Variants in BMPER observed in about 807,000 individuals in gnomAD.
BMPER encodes the protein BMP-binding endothelial regulator protein.
In BMPER, 45 loss-of-function variants were observed where a neutral mutation model predicts 87.3. The ratio of observed to expected loss-of-function variants is 0.52; its 90% CI spans 0.41 to 0.66. BMPER has a LOEUF of 0.66. Among genes scored for constraint, BMPER ranks in the 30% least tolerant of loss-of-function variants. BMPER has a pLI of 0.00. For synonymous variants in BMPER, 326 were observed against 316.2 expected (o/e 1.03, Z -0.33); for missense variants, 784 against 867.5 (o/e 0.90, Z 1.21).
At chr7:34,147,469 T>TTTTG (rs1791059242) in intron 14 of BMPER, among the ~76,000 whole-genome samples, 1 of 152,160 alleles carries the variant, frequency 6.6e-6, no homozygotes, top group Non-Finnish European at 1.5e-5. Flanking sequence ...TCCCTGTTTT[T>TTTTG]TTTGTTTGTT....
At chr7:33,959,772 T>C (rs1205613610) in intron 3 of BMPER, among the ~76,000 whole-genome samples, 1 of 152,212 alleles carries the variant, frequency 6.6e-6, no homozygotes, top group African/African-American at 2.4e-5. Context: ...TGTATTACCT[T>C]ATGGTCAATG....
chr7:34,074,490 ATTCT>A (rs1466731090), intron 11 of BMPER, among the ~76,000 whole-genome samples: 2 of 152,148 alleles, frequency 1.3e-5, no homozygotes, highest in Admixed American at 1.3e-4. Context: ...GCCTTTCCTG[ATTCT>A]TCACTCAAGC....
At chr7:33,921,755 C>T (rs770187774) in intron 2 of BMPER, 27 of 470,854 alleles carry the variant, frequency 5.7e-5, no homozygotes, top group South Asian at 2.2e-4. Flanking sequence ...GCTGACGTGA[C>T]GTTATGTTTG....
chr7:34,136,229 A>G (rs1449676932), intron 13 of BMPER, among the ~76,000 whole-genome samples: 1 of 152,092 alleles, frequency 6.6e-6, no homozygotes, highest in African/African-American at 2.4e-5. Flanking sequence ...AAACAGCCTC[A>G]CAGTTCCCAG....
chr7:33,948,169 A>G (rs1260207677), intron 3 of BMPER, among the ~76,000 whole-genome samples: 1 of 152,142 alleles, frequency 6.6e-6, no homozygotes, highest in Non-Finnish European at 1.5e-5. Flanking sequence ...TCTGGTAGTT[A>G]TTATATCTAA....
At chr7:34,091,722 G>A (rs1483142169) in intron 13 of BMPER, among the ~76,000 whole-genome samples, 1 of 152,154 alleles carries the variant, frequency 6.6e-6, no homozygotes, top group African/African-American at 2.4e-5. Flanking sequence ...GCATGTAGGA[G>A]TTATTTATAT....
intron 6 of BMPER, among the ~76,000 whole-genome samples, chr7:34,000,167 C>T (rs1197853271): frequency 6.6e-6 from 1 of 152,086 alleles, no homozygotes. Context: ...ACAGTGTGAC[C>T]AAATTATGTT....
chr7:34,135,353 G>T (rs781464587), intron 13 of BMPER, among the ~76,000 whole-genome samples: 7 of 152,172 alleles, frequency 4.6e-5, no homozygotes, highest in African/African-American at 7.2e-5. Context: ...GCGCAGGAAG[G>T]TAACTGAAGA....
intron 13 of BMPER, among the ~76,000 whole-genome samples, chr7:34,095,815 A>G (rs1388352559): frequency 2.0e-5 from 3 of 151,704 alleles, no homozygotes; most frequent in Non-Finnish European, 4.4e-5. Context: ...TTCACATTGC[A>G]TTTTATTTTA....
chr7:34,125,544 T>A (rs1040208182), intron 13 of BMPER, among the ~76,000 whole-genome samples: 1 of 152,244 alleles, frequency 6.6e-6, no homozygotes, highest in Admixed American at 6.5e-5. Context: ...TCACTAGTTC[T>A]CAGCTTCATG....
intron 13 of BMPER, among the ~76,000 whole-genome samples, chr7:34,091,458 T>G (rs748739499): frequency 8.5e-5 from 13 of 152,332 alleles, no homozygotes; most frequent in Non-Finnish European, 1.6e-4. Flanking sequence ...TTATTTTTCC[T>G]TAGCCGACTC....
chr7:34,094,706 C>G (rs1472791610), intron 13 of BMPER, among the ~76,000 whole-genome samples: 1 of 152,180 alleles, frequency 6.6e-6, no homozygotes, highest in East Asian at 1.9e-4. Context: ...ATTATTCCCC[C>G]ATGTGTAAAA....
intron 5 of BMPER, among the ~76,000 whole-genome samples, chr7:33,971,516 C>T (rs890414415): frequency 2.0e-5 from 3 of 152,102 alleles, no homozygotes; most frequent in Non-Finnish European, 4.4e-5. Flanking sequence ...TTATTTTTTC[C>T]ATTATCCAGT....
At chr7:34,043,524 G>T (rs975149338) in intron 6 of BMPER, among the ~76,000 whole-genome samples, 1 of 152,260 alleles carries the variant, frequency 6.6e-6, no homozygotes, top group East Asian at 1.9e-4. Context: ...AAAGGCAACC[G>T]ATTTTGGTGA....
intron 2 of BMPER, among the ~76,000 whole-genome samples, chr7:33,915,148 C>G (rs79384433): frequency 0.025 from 3,794 of 152,168 alleles, 56 homozygotes; most frequent in Non-Finnish European, 0.041. Flanking sequence ...TGAATAAATA[C>G]CACATGAAAT....
intron 3 of BMPER, among the ~76,000 whole-genome samples, chr7:33,938,863 T>C (rs1784677943): frequency 1.3e-5 from 2 of 152,072 alleles, no homozygotes; most frequent in South Asian, 4.1e-4. Flanking sequence ...CTGTCTCTAC[T>C]AAAAATATAA....
Position 34,155,552 on chromosome 7 carries a change from T to C in BMPER, c.*2279T>C, listed in dbSNP as rs1043454649. ...TTTAGCTGGGGATTAGCTTAATCTC[T>C]GTACATTTTTCTCATTTCTAATTGA... On this transcript the variant is annotated 3_prime_UTR_variant, in exon 15 of 15. Coordinates refer to ENST00000649409, the MANE Select transcript of BMPER (RefSeq NM_001365308.1). The C allele has an allele frequency of 5.3e-5, 8 of 152,232 alleles. No homozygotes were observed. Among genetic ancestry groups the C allele is most frequent in the African/African-American group, 1.9e-4 (8 of 41,456 alleles). 9.4% of individuals were successfully genotyped at this position (152,232 alleles called of 1,614,324 possible). A position where few individuals can be genotyped will look rare whatever the true frequency, so the allele number is the denominator to read the frequency against.
At chr7:34,113,699 A>G (rs1194294992) in intron 13 of BMPER, among the ~76,000 whole-genome samples, 1 of 152,112 alleles carries the variant, frequency 6.6e-6, no homozygotes, top group Non-Finnish European at 1.5e-5. Flanking sequence ...GGCTTTGTAT[A>G]TCTATTTCAT....
intron 12 of BMPER, among the ~76,000 whole-genome samples, chr7:34,083,340 CTGTCTTCTCCTTATCAAATTA>C (rs1169317933): frequency 1.3e-5 from 2 of 152,200 alleles, no homozygotes; most frequent in Non-Finnish European, 2.9e-5. Flanking sequence ...GGTCCCATCA[CTGTCTTCTCCTTATCAAATTA>C]TTCCCCAAAG....
Sources: allele counts gnomAD v4.1 joint callset (sites outside exome capture counted in the v4.1 genomes callset), GRCh38; gene constraint gnomAD v4.1.1; transcripts MANE v1.5; gene names NCBI Gene and HGNC (gene_info 2026-07-23, HGNC 2026-07-21).